The following BLTP1 variants were observed in gnomAD, a reference collection of about 807,000 sequenced individuals.
The protein encoded by BLTP1 is fragile site-associated protein.
chr4:122,250,587 T>C, the BLTP1 span: 7 of 1,606,614 alleles, frequency 4.4e-6, no homozygotes, highest in Non-Finnish European at 6.0e-6. Flanking sequence ...AGTGACTTTC[T>C]AATAGTAATA....
chr4:122,359,801 T>C, the BLTP1 span: 79 of 1,504,024 alleles, frequency 5.3e-5, 1 homozygote, highest in Non-Finnish European at 3.5e-6. Flanking sequence ...GTAAGTTACA[T>C]ATGATTATCA....
At chr4:122,325,547 G>A in the BLTP1 span, 3 of 1,214,810 alleles carry the variant, frequency 2.5e-6, no homozygotes, top group Non-Finnish European at 3.1e-6. Context: ...GCACAATAAA[G>A]GCTCCATAAC....
chr4:122,252,326 T>C, the BLTP1 span, among the ~76,000 whole-genome samples: 1 of 152,160 alleles, frequency 6.6e-6, no homozygotes, highest in Non-Finnish European at 1.5e-5. Context: ...AGCCACAATG[T>C]GCAGAGCACT....
At chr4:122,283,439 A>G in the BLTP1 span, among the ~76,000 whole-genome samples, 4 of 151,356 alleles carry the variant, frequency 2.6e-5, no homozygotes, top group Non-Finnish European at 5.9e-5. Flanking sequence ...TACCAGTATC[A>G]TGTTGCTGCC....
chr4:122,163,119 C>G, the BLTP1 span, among the ~76,000 whole-genome samples: 3 of 152,120 alleles, frequency 2.0e-5, no homozygotes, highest in Admixed American at 2.0e-4. Flanking sequence ...AAACACAGTG[C>G]TTTGTTTTGG....
chr4:122,324,367 GA>G, the BLTP1 span: 1 of 1,489,000 alleles, frequency 6.7e-7, no homozygotes, highest in East Asian at 2.4e-5. Context: ...TCTTTTATTT[GA>G]AGTCAAATAC....
At chr4:122,196,349 T>C in the BLTP1 span, among the ~76,000 whole-genome samples, 1 of 152,184 alleles carries the variant, frequency 6.6e-6, no homozygotes, top group Non-Finnish European at 1.5e-5. Flanking sequence ...CTCTGTCAGT[T>C]CTTTGTTTGC....
chr4:122,344,593 A>G, the BLTP1 span: 86 of 1,450,372 alleles, frequency 5.9e-5, no homozygotes, highest in East Asian at 1.4e-4. Context: ...AAATTAAAAT[A>G]CTGTTTTCCA....
chr4:122,281,571 TA>T, the BLTP1 span: 10 of 1,611,616 alleles, frequency 6.2e-6, no homozygotes, highest in Non-Finnish European at 8.5e-6. Flanking sequence ...GCAACCCCAC[TA>T]CCTTCTGAAA....
At chr4:122,280,092 A>G in the BLTP1 span, 1 of 1,552,604 alleles carries the variant, frequency 6.4e-7, no homozygotes, top group Non-Finnish European at 8.7e-7. Context: ...CTAAGTATCG[A>G]CCATTATGGA....
chr4:122,328,460 TGCCTC>T, the BLTP1 span: 1 of 1,053,700 alleles, frequency 9.5e-7, no homozygotes, highest in Non-Finnish European at 1.3e-6. Flanking sequence ...ATTTTTAATG[TGCCTC>T]GCTTGAGTGA....
chr4:122,349,123 G>A, the BLTP1 span: 1 of 1,541,668 alleles, frequency 6.5e-7, no homozygotes. This position sits in a 1 kb window ranked among gnomAD's most constrained non-coding sequence, Gnocchi z 4.5. Context: ...GACACTGGAA[G>A]CTATATATAT....
the BLTP1 span, chr4:122,264,280 C>G: frequency 7.5e-6 from 12 of 1,607,984 alleles, no homozygotes; most frequent in Non-Finnish European, 1.0e-5. Context: ...CAACAATACC[C>G]TCAGCCTCAG....
At chr4:122,229,155 AT>A in the BLTP1 span, 14 of 1,608,320 alleles carry the variant, frequency 8.7e-6, no homozygotes, top group Non-Finnish European at 1.2e-5. Context: ...CCAACTTCAG[AT>A]GATTTGAAAT....
At chr4:122,344,640 AT>A in the BLTP1 span, 7 of 1,230,702 alleles carry the variant, frequency 5.7e-6, no homozygotes, top group Admixed American at 1.2e-4. Flanking sequence ...TAGTGTTTAA[AT>A]ATTAAGTCAC....
chr4:122,343,181 G>A, the BLTP1 span, among the ~76,000 whole-genome samples: 3 of 152,132 alleles, frequency 2.0e-5, no homozygotes, highest in Non-Finnish European at 4.4e-5. Context: ...AAAAATAATT[G>A]TTTTAAGGAT....
the BLTP1 span, chr4:122,324,401 C>T: frequency 6.2e-7 from 1 of 1,604,258 alleles, no homozygotes; most frequent in South Asian, 1.1e-5. Flanking sequence ...CCTATAGTCA[C>T]CCTTTTTTCT....
At chr4:122,228,243 GCATAATTTA>G in the BLTP1 span, among the ~76,000 whole-genome samples, 4 of 152,008 alleles carry the variant, frequency 2.6e-5, no homozygotes, top group Admixed American at 6.6e-5. Flanking sequence ...TTTCATTGAG[GCATAATTTA>G]CATAATTTAC....
the BLTP1 span, chr4:122,291,704 A>G: frequency 1.0e-6 from 1 of 975,760 alleles, no homozygotes; most frequent in Middle Eastern, 5.3e-4. Context: ...TTAGAAGCAT[A>G]TAAGGAGGTT....
Sources: allele counts gnomAD v4.1 joint callset (sites outside exome capture counted in the v4.1 genomes callset), GRCh38; gene constraint gnomAD v4.1.1; non-coding constraint Gnocchi (gnomAD v3.1); transcripts MANE v1.5; gene names NCBI Gene and HGNC (gene_info 2026-07-23, HGNC 2026-07-21).